Variants in MYZAP observed in about 807,000 individuals in gnomAD.
MYZAP encodes the protein myocardial zonula adherens protein.
MYZAP carries 66 observed loss-of-function variants against 69.4 expected under a neutral mutation model. The observed-to-expected ratio is 0.95, with a 90% CI of 0.78 to 1.17. The LOEUF is 1.17. MYZAP is among the 50% of genes most tolerant of loss of function. The probability of loss-of-function intolerance (pLI) is 0.00; values close to 1 mark genes in which losing one functional copy is unlikely to be tolerated. For missense variants in MYZAP, 611 were observed against 556.2 expected (o/e 1.10, Z -0.99); for synonymous variants, 256 against 205.9 (o/e 1.24, Z -2.09).
chr15:57,639,332 C>T, intron 9 of MYZAP, 108 bp from the exon 10 acceptor site: 1 of 1,198,840 alleles, frequency 8.3e-7, no homozygotes, highest in Non-Finnish European at 1.2e-6. Context: ...CAGGCATGAG[C>T]CGCCATGCTT....
intron 12 of MYZAP, among the ~76,000 whole-genome samples, chr15:57,678,519 G>C (rs537834593): frequency 1.6e-4 from 24 of 152,168 alleles, no homozygotes; most frequent in Admixed American, 3.9e-4. Flanking sequence ...AAAAATCTGA[G>C]TATGCTAAGA....
At position 57,629,001 on chromosome 15, in the gene MYZAP, T is replaced by C. The variant is rs1284186102; in HGVS notation, c.526-701T>C. On this transcript the variant is annotated intron_variant, in intron 5 of 12. Transcript: ENST00000267853. Reference sequence around the variant, plus strand: ...GGGAGGCTGAGGCAGGAGAATCGCTTGAACCTGGGAGGCAGAGGTTGCAGT... The same window carrying C: ...GGGAGGCTGAGGCAGGAGAATCGCTCGAACCTGGGAGGCAGAGGTTGCAGT... Among the ~76,000 whole-genome samples the C allele has an allele frequency of 2.0e-5, 3 of 150,008 alleles. No homozygotes were observed. The East Asian group carries it at 5.9e-4, about 30-fold the overall frequency.
rs532734595 is a variant in MYZAP at position 57,608,930 on chromosome 15, G to T, written c.162+4575G>T. Among the ~76,000 whole-genome samples, 8 of 152,256 alleles carry T rather than the reference G, an allele frequency of 5.3e-5. No individual in the cohort carries two copies. The South Asian group carries it at 1.7e-3, about 32-fold the overall frequency. ...ATCTAAGTCTTCCCTGTCCTTGAAGGCTCAGCTAAAGGCCCACTTCCTTTC... is the reference window on the plus strand; with the variant it reads ...ATCTAAGTCTTCCCTGTCCTTGAAGTCTCAGCTAAAGGCCCACTTCCTTTC... On this transcript the variant is annotated intron_variant, in intron 2 of 12. Coordinates refer to ENST00000267853, the MANE Select transcript of MYZAP (RefSeq NM_001018100.5).
At chr15:57,625,680 T>G in intron 4 of MYZAP, 99 bp from the exon 5 acceptor site, 1 of 1,009,746 alleles carries the variant, frequency 9.9e-7, no homozygotes, top group South Asian at 1.3e-5. Context: ...ATTGTTGAAG[T>G]AGATGTGGCT....
chr15:57,630,258 G>A (rs529245358), intron 6 of MYZAP, among the ~76,000 whole-genome samples: 5 of 152,276 alleles, frequency 3.3e-5, no homozygotes, highest in South Asian at 2.1e-4. Context: ...GTGAGCCACC[G>A]TGCTTGGCCC....
intron 11 of MYZAP, among the ~76,000 whole-genome samples, chr15:57,669,683 G>A (rs562196653): frequency 7.2e-5 from 11 of 151,938 alleles, no homozygotes; most frequent in East Asian, 1.9e-4. Flanking sequence ...TAATTATTTC[G>A]GGATTACTTT....
intron 5 of MYZAP, among the ~76,000 whole-genome samples, chr15:57,626,572 A>C (rs374411973): frequency 6.6e-6 from 1 of 152,238 alleles, no homozygotes; most frequent in Non-Finnish European, 1.5e-5. Flanking sequence ...AAAGCAAAGC[A>C]TTGTATGTAT....
At chr15:57,655,791 T>C (rs532356722) in intron 10 of MYZAP, among the ~76,000 whole-genome samples, 1 of 152,302 alleles carries the variant, frequency 6.6e-6, no homozygotes, top group African/African-American at 2.4e-5. Flanking sequence ...TAGAAAAAAT[T>C]CTATTAACAT....
chr15:57,613,862 A>G (rs149936704), intron 2 of MYZAP, among the ~76,000 whole-genome samples: 1 of 152,316 alleles, frequency 6.6e-6, no homozygotes, highest in East Asian at 1.9e-4. Context: ...TTTCTCTAAA[A>G]GAGACTGTTT....
Position 57,625,886 on chromosome 15 carries a change from C to T in MYZAP, c.519C>T (p.Gly173=). The change falls in exon 5 of 13, where the codon GGC becomes GGT. Residue 173 remains glycine, a synonymous_variant. Transcript: ENST00000267853. ...MNSALASDSI[G]LQKTLVDVTL... ...CAGCCTTGGCATCAGATTCCATTGG[C>T]CTGCAGGTACTCATCTGCTTACTGC... is the stretch of plus-strand genomic sequence containing the variant. 1 of 1,614,052 alleles carries T rather than the reference C, an allele frequency of 6.2e-7. No homozygotes were observed.
intron 2 of MYZAP, among the ~76,000 whole-genome samples, chr15:57,609,201 AG>A (rs2034951878): frequency 1.3e-5 from 2 of 152,230 alleles, no homozygotes; most frequent in African/African-American, 4.8e-5. Flanking sequence ...TGCACATAGT[AG>A]GTGCTTAATG....
intron 11 of MYZAP, among the ~76,000 whole-genome samples, chr15:57,674,620 TTAA>T (rs1286273227): frequency 1.3e-5 from 2 of 152,256 alleles, no homozygotes; most frequent in African/African-American, 2.4e-5. Context: ...TGGAATACTA[TTAA>T]TGAGTTAAAA....
At chr15:57,651,381 T>G (rs1447416171) in intron 10 of MYZAP, among the ~76,000 whole-genome samples, 1 of 152,194 alleles carries the variant, frequency 6.6e-6, no homozygotes, top group African/African-American at 2.4e-5. Context: ...CCATTCCATC[T>G]GCCTCCTCTT....
chr15:57,625,764 C>G lies in MYZAP; in HGVS notation c.412-15C>G, dbSNP rs377234100. The G allele has an allele frequency of 8.1e-6, 13 of 1,613,340 alleles. No individual in the cohort carries two copies. Among genetic ancestry groups the G allele is most frequent in the East Asian group, 6.7e-5 (3 of 44,862 alleles). On this transcript the variant is annotated splice_polypyrimidine_tract_variant and intron_variant, in intron 4 of 12. Transcript: ENST00000267853. The stretch of plus-strand genomic sequence containing the variant: ...AGGGATTGATTTTGTGTGACTGTCT[C>G]CTCGATCTGTCCAGGTTTCCCATGC...
chr15:57,670,683 T>C (rs1288154705), intron 11 of MYZAP, among the ~76,000 whole-genome samples: 1 of 152,116 alleles, frequency 6.6e-6, no homozygotes, highest in African/African-American at 2.4e-5. Context: ...GTTTGTTTTG[T>C]TCTCCTTTTT....
intron 11 of MYZAP, among the ~76,000 whole-genome samples, chr15:57,663,722 C>G (rs143383733): frequency 2.2e-4 from 34 of 152,286 alleles, no homozygotes; most frequent in Middle Eastern, 3.4e-3. Context: ...TGAAGAATCA[C>G]CAGTGGCCTG....
At chr15:57,671,715 C>G (rs2038876945) in intron 11 of MYZAP, among the ~76,000 whole-genome samples, 1 of 151,900 alleles carries the variant, frequency 6.6e-6, no homozygotes, top group Admixed American at 6.6e-5. Context: ...CTTTCCTGTT[C>G]TAAAATTTTC....
intron 8 of MYZAP, 101 bp from the exon 9 acceptor site, chr15:57,637,594 G>T: frequency 3.1e-6 from 4 of 1,303,930 alleles, no homozygotes; most frequent in Non-Finnish European, 4.3e-6. Context: ...CCCAGGGGGT[G>T]TCATATAGAC....
chr15:57,638,791 T>A (rs1324776972), intron 9 of MYZAP, among the ~76,000 whole-genome samples: 1 of 152,226 alleles, frequency 6.6e-6, no homozygotes, highest in Non-Finnish European at 1.5e-5. Flanking sequence ...CAACTGTGAT[T>A]CCAGACCTTT....
Sources: gnomAD v4.1 joint callset for allele counts (sites outside exome capture counted in the v4.1 genomes callset) on GRCh38, gnomAD v4.1.1 for gene constraint, MANE v1.5 for transcripts, NCBI Gene and HGNC (gene_info 2026-07-23, HGNC 2026-07-21) for gene names.